Variants in CSMD1 observed in about 807,000 individuals in gnomAD.
The protein encoded by CSMD1 is CUB and Sushi multiple domains 1.
A neutral mutation model predicts 417.5 loss-of-function variants in CSMD1; 213 were observed. The observed-to-expected ratio is 0.51, with a 90% CI of 0.46 to 0.57. The LOEUF is 0.57. CSMD1 is among the 20% of genes least tolerant of loss of function. The pLI is 0.00. For synonymous variants in CSMD1, 2,862 were observed against 1,736.8 expected (o/e 1.65, Z -16.11); for missense variants, 6,923 against 4,529.7 (o/e 1.53, Z -15.17).
chr8:2,954,267 A>T lies in CSMD1; in HGVS notation c.9996T>A (p.Ser3332Arg), dbSNP rs1802842037. 2 of 1,466,280 alleles carry T rather than the reference A, an allele frequency of 1.4e-6. No homozygotes were observed. Among genetic ancestry groups the T allele is most frequent in the South Asian group, 1.3e-5 (1 of 78,566 alleles). The allele number at this position is 1,466,280 out of a possible 1,614,324, so 90.8% of individuals were successfully genotyped here. Reference sequence around the variant, plus strand: ...TTTCATTAACTTCTCTCACTCCTTTACCTACAAGTAAAAAGACAAATTATC... The same window carrying T: ...TTTCATTAACTTCTCTCACTCCTTTTCCTACAAGTAAAAAGACAAATTATC... ...KWTGKSPVCK[S>R]KGVREVNETV... The change falls in exon 65 of 70, where the codon AGT becomes AGA. Residue 3332 changes from serine to arginine, a missense_variant and splice_region_variant. Coordinates refer to ENST00000635120, the MANE Select transcript of CSMD1 (RefSeq NM_033225.6).
chr8:4,492,493 T>C (rs1801755056), intron 2 of CSMD1, among the ~76,000 whole-genome samples: 1 of 152,220 alleles, frequency 6.6e-6, no homozygotes, highest in African/African-American at 2.4e-5. Context: ...TATATAAAGT[T>C]GATTTCTTTT....
intron 5 of CSMD1, among the ~76,000 whole-genome samples, chr8:3,849,995 T>C (rs1803784338): frequency 8.4e-6 from 1 of 119,052 alleles, no homozygotes; most frequent in Admixed American, 8.1e-5. Context: ...TGTGTATTTT[T>C]AGTTTCACGA....
At chr8:4,244,356 T>A (rs371680597) in intron 3 of CSMD1, among the ~76,000 whole-genome samples, 2 of 152,156 alleles carry the variant, frequency 1.3e-5, no homozygotes, top group Non-Finnish European at 2.9e-5. Context: ...GGGATTTTAA[T>A]AGGTAGAAAG....
intron 7 of CSMD1, among the ~76,000 whole-genome samples, chr8:3,642,392 T>C (rs1042758187): frequency 6.6e-6 from 1 of 152,110 alleles, no homozygotes; most frequent in African/African-American, 2.4e-5. Context: ...TAAGTCCACT[T>C]TCCCATGAGT....
intron 3 of CSMD1, among the ~76,000 whole-genome samples, chr8:4,392,838 G>C (rs920205210): frequency 6.6e-6 from 1 of 151,734 alleles, no homozygotes; most frequent in Admixed American, 6.6e-5. Context: ...TGTGGTGGCA[G>C]GCACCTGTAA....
intron 3 of CSMD1, among the ~76,000 whole-genome samples, chr8:4,070,042 G>T (rs990876005): frequency 6.6e-6 from 1 of 151,880 alleles, no homozygotes; most frequent in African/African-American, 2.4e-5. Context: ...ACTTATTGGT[G>T]TTTTAACTAT....
chr8:4,321,590 A>G (rs1031220999), intron 3 of CSMD1, among the ~76,000 whole-genome samples: 8 of 152,184 alleles, frequency 5.3e-5, no homozygotes, highest in South Asian at 2.1e-4. Context: ...TATCTGGTAT[A>G]TAACAGGCAC....
chr8:3,735,369 T>A (rs548986664), intron 6 of CSMD1, among the ~76,000 whole-genome samples: 1 of 152,268 alleles, frequency 6.6e-6, no homozygotes, highest in South Asian at 2.1e-4. Flanking sequence ...ACTCAAGACT[T>A]TTAATCCTGG....
At chr8:4,104,201 G>C (rs555147285) in intron 3 of CSMD1, among the ~76,000 whole-genome samples, 1 of 152,222 alleles carries the variant, frequency 6.6e-6, no homozygotes, top group Non-Finnish European at 1.5e-5. Flanking sequence ...TAGGGTCATA[G>C]TGTGTGTGAA....
rs1054919111 is a variant in CSMD1, at chr8:4,614,306, A to C, written c.302+23036T>G. Among the ~76,000 whole-genome samples the C allele has an allele frequency of 6.6e-5, 10 of 152,174 alleles. No homozygotes were observed. In the South Asian group the frequency reaches 2.1e-3, roughly 32 times the overall value. ...AAACGGACTGGACACAAAGGCCAAA[A>C]CTCTGTAGAAAATCCTGTCTTGAAG... On this transcript the variant is annotated intron_variant, in intron 2 of 69. Coordinates refer to ENST00000635120, the MANE Select transcript of CSMD1 (RefSeq NM_033225.6).
At chr8:3,475,115 T>C (rs1285297239) in intron 11 of CSMD1, among the ~76,000 whole-genome samples, 3 of 152,136 alleles carry the variant, frequency 2.0e-5, no homozygotes, top group African/African-American at 4.8e-5. Context: ...CTGTCAACTC[T>C]TCCTGCTAAG....
At chr8:3,958,215 C>G (rs1323971641) in intron 5 of CSMD1, among the ~76,000 whole-genome samples, 1 of 152,090 alleles carries the variant, frequency 6.6e-6, no homozygotes, top group African/African-American at 2.4e-5. Context: ...CCCAGAAATC[C>G]ATAACCAAAC....
intron 1 of CSMD1, among the ~76,000 whole-genome samples, chr8:4,968,369 C>A (rs951891203): frequency 6.6e-6 from 1 of 151,992 alleles, no homozygotes; most frequent in African/African-American, 2.4e-5. Flanking sequence ...AAAACTTTTT[C>A]CTTACCCCCA....
At chr8:3,520,912 C>T (rs936935028) in intron 10 of CSMD1, among the ~76,000 whole-genome samples, 1 of 152,080 alleles carries the variant, frequency 6.6e-6, no homozygotes, top group African/African-American at 2.4e-5. Flanking sequence ...GGTCACTGAG[C>T]TTCAACATTT....
chr8:4,701,332 A>G (rs80123278), intron 1 of CSMD1, among the ~76,000 whole-genome samples: 1 of 147,128 alleles, frequency 6.8e-6, no homozygotes, highest in Admixed American at 6.7e-5. Context: ...TTTTTTTTTA[A>G]CTCTGCTTAA....
chr8:3,676,993 G>C (rs989048554), intron 7 of CSMD1, among the ~76,000 whole-genome samples: 1 of 152,026 alleles, frequency 6.6e-6, no homozygotes, highest in Non-Finnish European at 1.5e-5. Context: ...TCATGGACCG[G>C]GGCCTGTTGC....
chr8:4,413,012 TTG>T (rs1796732348), intron 3 of CSMD1, among the ~76,000 whole-genome samples: 1 of 152,220 alleles, frequency 6.6e-6, no homozygotes, highest in Admixed American at 6.5e-5. Context: ...TTTTGACAAC[TTG>T]AAGTCTATAC....
Position 3,586,116 on chromosome 8 carries a change from AC to A in CSMD1, c.1222+19del, listed in dbSNP as rs1800587766. ...TAAAGAAAGAGATAATCCAGGCTTT[AC>A]CCACCGCAGGTGCCTTACCTCGGCA... On this transcript the variant is annotated intron_variant, in intron 9 of 69. Coordinates refer to ENST00000635120, the MANE Select transcript of CSMD1 (RefSeq NM_033225.6). 2 of 1,605,500 alleles carry A rather than the reference AC, an allele frequency of 1.2e-6. No homozygotes were observed. Among genetic ancestry groups the A allele is most frequent in the Non-Finnish European group, 8.5e-7 (1 of 1,176,874 alleles).
At chr8:4,496,085 A>T (rs1801963152) in intron 2 of CSMD1, among the ~76,000 whole-genome samples, 2 of 152,216 alleles carry the variant, frequency 1.3e-5, no homozygotes, top group Non-Finnish European at 2.9e-5. Context: ...GATGCCAATC[A>T]AATTTTGGCA....
Sources: allele counts gnomAD v4.1 joint callset (sites outside exome capture counted in the v4.1 genomes callset), GRCh38; gene constraint gnomAD v4.1.1; transcripts MANE v1.5; gene names NCBI Gene and HGNC (gene_info 2026-07-23, HGNC 2026-07-21).